PROX1: variants seen among roughly 807,000 people sequenced by gnomAD.
The protein encoded by PROX1 is prospero homeobox 1, also known as prospero homeobox protein 1.
Under a neutral mutation model 58.8 loss-of-function variants are expected in PROX1, and 7 were observed. The observed-to-expected ratio is 0.12, with a 90% CI of 0.07 to 0.22. The LOEUF (loss-of-function observed/expected upper bound fraction) is 0.22, where lower values mean the gene tolerates loss of function less well. PROX1 is among the 10% of genes least tolerant of loss of function. PROX1 has a pLI of 1.00. For missense variants in PROX1, 675 were observed against 927.8 expected (o/e 0.73, Z 3.54); for synonymous variants, 350 against 358.3 (o/e 0.98, Z 0.26).
chr1:214,000,558 T>C (rs1033324922), intron 2 of PROX1, among the ~76,000 whole-genome samples: 1 of 152,248 alleles, frequency 6.6e-6, no homozygotes. Flanking sequence ...AGCTAAATAA[T>C]GTCGGCCTCT....
intron 1 of PROX1, among the ~76,000 whole-genome samples, chr1:213,990,044 C>G (rs1662967455): frequency 6.7e-6 from 1 of 148,468 alleles, no homozygotes; most frequent in Non-Finnish European, 1.5e-5. Context: ...CTTATAAAAA[C>G]AGAGGAAGCA....
At position 213,998,276 on chromosome 1, in the gene PROX1, C is replaced by T. The variant is rs1316992777; in HGVS notation, c.1725+16C>T. ...GGGAAGTGCAATATCCTTTTATTTT[C>T]CCCTCGAGGAAAAAACAAACCAAAA... On this transcript the variant is annotated intron_variant, in intron 2 of 4. Transcript: ENST00000366958. The T allele has an allele frequency of 1.3e-6, 2 of 1,519,318 alleles. No individual in the cohort carries two copies. Among genetic ancestry groups the T allele is most frequent in the African/African-American group, 1.4e-5 (1 of 71,784 alleles). 94.1% of individuals were successfully genotyped at this position (1,519,318 alleles called of 1,614,324 possible).
upstream of PROX1, chr1:213,985,316 A>C (rs1558162282): frequency 6.6e-6 from 1 of 152,256 alleles, no homozygotes; most frequent in South Asian, 2.1e-4. Context: ...AGTCTTGTCC[A>C]GGGCAGCCCG....
chr1:213,998,293 A>C (rs1287815745), intron 2 of PROX1, 33 bp downstream of exon 2: 1 of 1,515,186 alleles, frequency 6.6e-7, no homozygotes, highest in Non-Finnish European at 8.8e-7. Flanking sequence ...AGGAAAAAAC[A>C]AACCAAAAAA....
intron 4 of PROX1, among the ~76,000 whole-genome samples, chr1:214,026,510 A>G (rs964250455): frequency 3.9e-5 from 6 of 152,252 alleles, no homozygotes; most frequent in South Asian, 2.1e-4. Flanking sequence ...ACAATTTATT[A>G]AACGTAGAAT....
intron 4 of PROX1, among the ~76,000 whole-genome samples, chr1:214,032,130 T>C (rs1014500441): frequency 6.6e-6 from 1 of 152,238 alleles, no homozygotes; most frequent in African/African-American, 2.4e-5. Flanking sequence ...TTGAAGTTAC[T>C]AGATTCTCTG....
chr1:214,005,380 C>T lies in PROX1; in HGVS notation c.1833+108C>T, dbSNP rs1663671306. The T allele has an allele frequency of 6.1e-6, 5 of 821,152 alleles. No individual in the cohort carries two copies. The South Asian group carries it at 7.0e-5, about 11-fold the overall frequency. The allele number at this position is 821,152 out of a possible 1,614,324, so 50.9% of individuals were successfully genotyped here. A position where few individuals can be genotyped will look rare whatever the true frequency, so the allele number is the denominator to read the frequency against. ...ATGTGGAATTGGTTTATTCCTACAC[C>T]TGTGTTATAATTGATTTAATGCACT... is the stretch of plus-strand genomic sequence containing the variant. On this transcript the variant is annotated intron_variant, in intron 3 of 4. Coordinates refer to ENST00000366958, the MANE Select transcript of PROX1 (RefSeq NM_001270616.2).
At chr1:214,029,310 T>C (rs1243071409) in intron 4 of PROX1, 1 of 152,242 alleles carries the variant, frequency 6.6e-6, no homozygotes, top group Non-Finnish European at 1.5e-5. Context: ...CCTCGCTATG[T>C]ATGATTGGTA....
chr1:213,992,748 G>A (rs887616970), intron 1 of PROX1, among the ~76,000 whole-genome samples: 9 of 152,054 alleles, frequency 5.9e-5, no homozygotes, highest in African/African-American at 1.9e-4. Flanking sequence ...GATAATTACC[G>A]TAATGAAACA....
At chr1:214,008,734 GTTC>G (rs1366573272) in intron 3 of PROX1, among the ~76,000 whole-genome samples, 6 of 152,188 alleles carry the variant, frequency 3.9e-5, no homozygotes, top group East Asian at 1.9e-4. Flanking sequence ...CATGGCGAGA[GTTC>G]TTCTTCTACA....
At chr1:214,004,981 G>C (rs974488884) in intron 2 of PROX1, among the ~76,000 whole-genome samples, 184 bp from the exon 3 acceptor site, 1 of 152,186 alleles carries the variant, frequency 6.6e-6, no homozygotes, top group Admixed American at 6.5e-5. Flanking sequence ...CCTCTGACAG[G>C]CGACGGTCAC....
rs373493766 is a variant in PROX1 at position 214,011,619 on chromosome 1, C to T, written c.1932C>T (p.Asn644=). ...QMEKYARQAI[N]DGVTSTEELS... ...AGAAGTACGCACGTCAAGCCATCAACGATGGGGTCACCAGTACTGAAGAGC... is the reference window on the plus strand; with the variant it reads ...AGAAGTACGCACGTCAAGCCATCAATGATGGGGTCACCAGTACTGAAGAGC... The change falls in exon 4 of 5, where the codon AAC becomes AAT. Residue 644 remains asparagine, a synonymous_variant. Coordinates refer to ENST00000366958, the MANE Select transcript of PROX1 (RefSeq NM_001270616.2). 8.1e-6 allele frequency: 13 copies of T among 1,613,918 alleles called. No homozygotes were observed. Among genetic ancestry groups the T allele is most frequent in the South Asian group, 3.3e-5 (3 of 91,076 alleles).
intron 3 of PROX1, among the ~76,000 whole-genome samples, chr1:214,007,747 A>G (rs1381237754): frequency 3.3e-5 from 5 of 152,216 alleles, no homozygotes; most frequent in Non-Finnish European, 7.3e-5. Flanking sequence ...ACAGATAGAC[A>G]AGTGTGTCTA....
intron 2 of PROX1, among the ~76,000 whole-genome samples, chr1:214,001,905 T>C (rs931872632): frequency 6.6e-6 from 1 of 152,112 alleles, no homozygotes; most frequent in Non-Finnish European, 1.5e-5. Context: ...CCTCCGATTA[T>C]GGTGAACTTC....
At chr1:214,024,075 G>A (rs988574373) in intron 4 of PROX1, among the ~76,000 whole-genome samples, 4 of 152,146 alleles carry the variant, frequency 2.6e-5, no homozygotes, top group African/African-American at 9.7e-5. Context: ...AACAAGGCCA[G>A]TCCTAGGTAT....
In PROX1 at chr1:214,037,212, G is replaced by A. The variant is rs1409955215; in HGVS notation, c.*1378G>A. 2.0e-5 allele frequency: 3 copies of A among 151,918 alleles called. No individual in the cohort carries two copies. The highest frequency in any genetic ancestry group is 7.3e-5 in the African/African-American group (3 of 41,370). The allele number at this position is 151,918 out of a possible 1,614,324, so 9.4% of individuals were successfully genotyped here. A position where few individuals can be genotyped will look rare whatever the true frequency, so the allele number is the denominator to read the frequency against. Reference sequence around the variant, plus strand: ...TTCCCTACTTGCATTGAAAAAACTCGTATGGCATTCACACTTTTTTTCTTA... The same window carrying A: ...TTCCCTACTTGCATTGAAAAAACTCATATGGCATTCACACTTTTTTTCTTA... On this transcript the variant is annotated 3_prime_UTR_variant, in exon 5 of 5. Coordinates refer to ENST00000366958, the MANE Select transcript of PROX1 (RefSeq NM_001270616.2).
chr1:213,987,018 T>G (rs184118582), upstream of PROX1, among the ~76,000 whole-genome samples: 7 of 152,342 alleles, frequency 4.6e-5, no homozygotes, highest in Admixed American at 4.6e-4. Flanking sequence ...TGCCCAGGCG[T>G]CAAAACTGTG....
chr1:214,026,262 C>T (rs893024884), intron 4 of PROX1, among the ~76,000 whole-genome samples: 5 of 152,312 alleles, frequency 3.3e-5, no homozygotes, highest in African/African-American at 9.6e-5. Context: ...TGTTTCCTAA[C>T]ACGTATAATA....
chr1:214,025,204 C>T (rs1005932218), intron 4 of PROX1, among the ~76,000 whole-genome samples: 2 of 152,222 alleles, frequency 1.3e-5, no homozygotes, highest in African/African-American at 2.4e-5. Flanking sequence ...GGTTTATTAA[C>T]TCTGTTCCCG....
Sources: allele counts gnomAD v4.1 joint callset (sites outside exome capture counted in the v4.1 genomes callset), GRCh38; gene constraint gnomAD v4.1.1; transcripts MANE v1.5; gene names NCBI Gene and HGNC (gene_info 2026-07-23, HGNC 2026-07-21).